The following FBN1 variants were observed in gnomAD, a reference collection of about 807,000 sequenced individuals.
The protein encoded by FBN1 is fibrillin-1.
Under a neutral mutation model 365.1 loss-of-function variants are expected in FBN1, and 29 were observed. The ratio of observed to expected loss-of-function variants is 0.08; its 90% confidence interval spans 0.06 to 0.11. The LOEUF (loss-of-function observed/expected upper bound fraction) is 0.11, where lower values mean the gene tolerates loss of function less well. Among genes scored for constraint, FBN1 ranks in the 10% least tolerant of loss-of-function variants. FBN1 has a pLI of 1.00. For missense variants in FBN1, 2,476 were observed against 3,703.2 expected, an observed-to-expected ratio of 0.67 and a Z score of 8.60; for synonymous variants, 1,210 against 1,270.5, an observed-to-expected ratio of 0.95 and a Z score of 1.01.
intron 2 of FBN1, among the ~76,000 whole-genome samples, chr15:48,615,177 G>C (rs1296970542): frequency 6.6e-6 from 1 of 152,202 alleles, no homozygotes; most frequent in Non-Finnish European, 1.5e-5. Flanking sequence ...CAGCCCATTA[G>C]AACAGCTCCG....
intron 10 of FBN1, 108 bp from the exon 11 acceptor site, chr15:48,516,470 T>A: frequency 6.0e-6 from 7 of 1,171,232 alleles, no homozygotes; most frequent in Non-Finnish European, 8.6e-6. Context: ...ATAAAATTGA[T>A]CCTCAAAATT....
intron 30 of FBN1, among the ~76,000 whole-genome samples, chr15:48,484,727 T>C (rs1285267301): frequency 6.6e-6 from 1 of 152,202 alleles, no homozygotes; most frequent in Non-Finnish European, 1.5e-5. Context: ...AGGGACATTT[T>C]TCTAGGTCAG....
At chr15:48,492,646 C>T in intron 23 of FBN1, 60 bp from the exon 24 acceptor site, 1 of 1,275,922 alleles carries the variant, frequency 7.8e-7, no homozygotes, top group Non-Finnish European at 1.1e-6. Flanking sequence ...CTACCTTATT[C>T]TACTCATAGA....
At chr15:48,558,724 G>A (rs999740575) in intron 6 of FBN1, among the ~76,000 whole-genome samples, 6 of 152,204 alleles carry the variant, frequency 3.9e-5, no homozygotes, top group Admixed American at 6.5e-5. Flanking sequence ...TGTGTTCAAA[G>A]ACGCAAAGCC....
At chr15:48,530,965 C>T (rs772468779) in intron 8 of FBN1, among the ~76,000 whole-genome samples, 6 of 152,154 alleles carry the variant, frequency 3.9e-5, no homozygotes, top group Non-Finnish European at 7.4e-5. Flanking sequence ...CCCTTAATTA[C>T]GCTTTTTATT....
chr15:48,489,656 A>G (rs960861331), intron 25 of FBN1, among the ~76,000 whole-genome samples, 195 bp downstream of exon 25: 2 of 152,144 alleles, frequency 1.3e-5, no homozygotes, highest in African/African-American at 4.8e-5. Context: ...ATACAGAACA[A>G]TTTTAACCCC....
At chr15:48,477,982 C>T (rs1191900854) in intron 32 of FBN1, among the ~76,000 whole-genome samples, 2 of 152,100 alleles carry the variant, frequency 1.3e-5, no homozygotes, top group East Asian at 1.9e-4. Flanking sequence ...TGGGCTTGTG[C>T]CCGGGGCTGC....
chr15:48,505,107 C>T lies in FBN1; in HGVS notation c.1878G>A (p.Gly626=). The change falls in exon 16 of 66, where the codon GGG becomes GGA. Residue 626 remains glycine (G), a synonymous_variant. Transcript: ENST00000316623. ...ECETPGICMN[G]RCVNTDGSYR... ...AGGAGCCATCAGTGTTGACGCAACG[C>T]CCATTCATGCAGATCCCAGGGGTTT... 1.2e-6 allele frequency: 2 copies of T among 1,614,160 alleles called. No individual in the cohort carries two copies. Among genetic ancestry groups the T allele is most frequent in the Non-Finnish European group, 1.7e-6 (2 of 1,180,010 alleles).
At chr15:48,421,449 G>C (rs1437170078) in intron 62 of FBN1, 109 bp downstream of exon 62, 14 of 1,365,802 alleles carry the variant, frequency 1.0e-5, no homozygotes, top group Middle Eastern at 2.5e-4. Context: ...GTGCCCCCCT[G>C]GGCTCAGATC....
intron 10 of FBN1, among the ~76,000 whole-genome samples, chr15:48,518,387 C>T (rs1003100957): frequency 7.9e-5 from 12 of 152,220 alleles, no homozygotes; most frequent in African/African-American, 2.9e-4. Flanking sequence ...AATTCATTAA[C>T]TATGTGTTAA....
intron 34 of FBN1, among the ~76,000 whole-genome samples, chr15:48,473,871 A>C (rs2043397517): frequency 6.6e-6 from 1 of 152,194 alleles, no homozygotes; most frequent in African/African-American, 2.4e-5. Context: ...GTTTAAACTA[A>C]TGACATCATT....
chr15:48,601,444 C>T (rs1189925252), intron 4 of FBN1, among the ~76,000 whole-genome samples: 1 of 152,140 alleles, frequency 6.6e-6, no homozygotes, highest in East Asian at 1.9e-4. Flanking sequence ...TCTGTCTGGT[C>T]CTCCAAGTTG....
chr15:48,486,554 C>G (rs1326643290), intron 29 of FBN1, among the ~76,000 whole-genome samples: 1 of 152,190 alleles, frequency 6.6e-6, no homozygotes, highest in Non-Finnish European at 1.5e-5. Context: ...GGCATAGCCT[C>G]AATTGCAGTG....
chr15:48,409,230 G>A lies in FBN1; in HGVS notation c.*1760C>T, dbSNP rs929224138. ...GACAGGGAGCTCACCACAATGCAAG[G>A]AAACCCATTCTTTCAGTGAGTAGCT... On this transcript the variant is annotated 3_prime_UTR_variant, in exon 66 of 66. Coordinates refer to ENST00000316623, the MANE Select transcript of FBN1 (RefSeq NM_000138.5). The A allele has an allele frequency of 1.3e-5, 2 of 152,188 alleles. No individual in the cohort carries two copies. Among genetic ancestry groups the A allele is most frequent in the African/African-American group, 4.8e-5 (2 of 41,444 alleles). 9.4% of individuals were successfully genotyped at this position (152,188 alleles called of 1,614,324 possible).
chr15:48,469,352 C>T (rs1426392336), intron 36 of FBN1, among the ~76,000 whole-genome samples: 7 of 152,124 alleles, frequency 4.6e-5, no homozygotes, highest in Admixed American at 1.3e-4. Context: ...CTGACACACA[C>T]GCGTGAGGCT....
rs1597530036 is a variant in FBN1 at position 48,441,911 on chromosome 15, C to T, written c.6038-65G>A. On this transcript the variant is annotated intron_variant, in intron 49 of 65. Coordinates refer to ENST00000316623, the MANE Select transcript of FBN1 (RefSeq NM_000138.5). Reference sequence around the variant, plus strand: ...TGGAGACATCATCAGGTACCAAACACACAATGTGGACACACAAAGGGCAAC... The same window carrying T: ...TGGAGACATCATCAGGTACCAAACATACAATGTGGACACACAAAGGGCAAC... 3.8e-6 allele frequency: 6 copies of T among 1,574,362 alleles called. No homozygotes were observed. In the East Asian group the frequency reaches 1.3e-4, roughly 35 times the overall value.
chr15:48,495,204 T>A lies in FBN1; in HGVS notation c.2596A>T (p.Ile866Phe). The A allele has an allele frequency of 6.2e-7, 1 of 1,614,200 alleles. No homozygotes were observed. The highest frequency in any genetic ancestry group is 8.5e-7 in the Non-Finnish European group (1 of 1,180,030). Residue 866 changes from isoleucine (I) to phenylalanine (F), a missense_variant, in exon 22 of 66, where the codon ATC (isoleucine) becomes TTC (phenylalanine). By Grantham distance (21) the Ile-to-Phe change is conservative (BLOSUM62 0). Coordinates refer to ENST00000316623, the MANE Select transcript of FBN1 (RefSeq NM_000138.5). ...TGGGACTTTAAGGTGGCTCCATTGATGTTGATCTCACATCGCCCATCAATG... is the reference window on the plus strand; with the variant it reads ...TGGGACTTTAAGGTGGCTCCATTGAAGTTGATCTCACATCGCCCATCAATG... ...TVIDGRCEIN[I>F]NGATLKSQCC...
intron 44 of FBN1, among the ~76,000 whole-genome samples, chr15:48,454,805 A>C (rs1219840850): frequency 6.6e-6 from 1 of 152,232 alleles, no homozygotes; most frequent in African/African-American, 2.4e-5. Flanking sequence ...TGTCTAAGGC[A>C]GGTGGATTGT....
At chr15:48,641,667 A>C (rs1335249071) in intron 2 of FBN1, 1 of 152,214 alleles carries the variant, frequency 6.6e-6, no homozygotes, top group Non-Finnish European at 1.5e-5. Flanking sequence ...GTGCATCTCC[A>C]ATCAGAATGG....
Sources: allele counts gnomAD v4.1 joint callset (sites outside exome capture counted in the v4.1 genomes callset), GRCh38; gene constraint gnomAD v4.1.1; transcripts MANE v1.5; gene names NCBI Gene and HGNC (gene_info 2026-07-23, HGNC 2026-07-21).